ANKRD12: variants seen among roughly 807,000 people sequenced by gnomAD.
ANKRD12 encodes the protein ankyrin repeat domain-containing protein 12.
In ANKRD12, 85 loss-of-function variants were observed where a neutral mutation model predicts 183.4. The observed-to-expected ratio is 0.46, with a 90% confidence interval of 0.39 to 0.56. The LOEUF is 0.56. Among genes scored for constraint, ANKRD12 ranks in the 20% least tolerant of loss-of-function variants. The pLI, the probability that ANKRD12 is intolerant of heterozygous loss-of-function variation, is 0.00. For missense variants in ANKRD12, 2,405 were observed against 2,357.1 expected (o/e 1.02, Z -0.42); for synonymous variants, 914 against 800.2 (o/e 1.14, Z -2.40).
At position 9,256,618 on chromosome 18, in the gene ANKRD12, A is replaced by G; in HGVS notation, c.3351A>G (p.Glu1117=). ...KERLRNRNCL[E]LKIKDKEKTK... ...GGTTGAGAAACCGAAACTGTTTAGA[A>G]CTTAAAATAAAAGATAAAGAAAAAA... The change falls in exon 9 of 13, where the codon GAA becomes GAG. Residue 1117 remains glutamate (E), a synonymous_variant. Coordinates refer to ENST00000262126, the MANE Select transcript of ANKRD12 (RefSeq NM_015208.5). 6.2e-7 allele frequency: 1 copy of G among 1,604,568 alleles called. No homozygotes were observed. The highest frequency in any genetic ancestry group is 8.5e-7 in the Non-Finnish European group (1 of 1,177,744).
At position 9,221,965 on chromosome 18, in the gene ANKRD12, G is replaced by T; in HGVS notation, c.909G>T (p.Glu303Asp). The T allele has an allele frequency of 6.2e-7, 1 of 1,613,894 alleles. No individual in the cohort carries two copies. Among genetic ancestry groups the T allele is most frequent in the Non-Finnish European group, 8.5e-7 (1 of 1,179,882 alleles). ...TEELELLLKREVPLSDDDESY... is the reference protein window; with the variant it reads ...TEELELLLKRDVPLSDDDESY... ...AGTTGGAGTTGCTACTAAAAAGAGA[G>T]GTGCCTTTATCTGATGATGATGAAA... is the stretch of plus-strand genomic sequence containing the variant. The change falls in exon 8 of 13, where the codon GAG becomes GAT. Residue 303 changes from glutamate to aspartate, a missense_variant. Around this residue, in one of 7 missense-constraint regions of ANKRD12, gnomAD observed 1,983 missense variants for 1,725.9 expected, o/e 1.15. Coordinates refer to ENST00000262126, the MANE Select transcript of ANKRD12 (RefSeq NM_015208.5).
intron 1 of ANKRD12, among the ~76,000 whole-genome samples, chr18:9,143,933 T>C (rs1201951589): frequency 1.3e-5 from 2 of 152,222 alleles, no homozygotes; most frequent in East Asian, 3.8e-4. Flanking sequence ...GCTCTTCCTC[T>C]TCCTTCAGGC....
chr18:9,175,906 T>C (rs570575256), intron 1 of ANKRD12, among the ~76,000 whole-genome samples: 1 of 152,258 alleles, frequency 6.6e-6, no homozygotes, highest in Admixed American at 6.5e-5. Context: ...TTTCTCCAAA[T>C]TGTTAGCCTT....
chr18:9,245,206 T>C (rs1225449318), intron 8 of ANKRD12, among the ~76,000 whole-genome samples: 1 of 151,934 alleles, frequency 6.6e-6, no homozygotes, highest in African/African-American at 2.4e-5. Flanking sequence ...TCCCAGCCCT[T>C]TGGGAGGCCA....
chr18:9,142,606 G>A (rs2078357271), intron 1 of ANKRD12, among the ~76,000 whole-genome samples: 1 of 152,198 alleles, frequency 6.6e-6, no homozygotes, highest in African/African-American at 2.4e-5. Flanking sequence ...AATGGGCCAG[G>A]TGCAGTAGGT....
chr18:9,253,594 C>T (rs2038424497), intron 8 of ANKRD12, among the ~76,000 whole-genome samples: 1 of 152,202 alleles, frequency 6.6e-6, no homozygotes, highest in African/African-American at 2.4e-5. Context: ...TTGATGGACA[C>T]AAGATTGATT....
At chr18:9,201,791 A>G (rs1011971486) in intron 3 of ANKRD12, among the ~76,000 whole-genome samples, 7 of 150,220 alleles carry the variant, frequency 4.7e-5, no homozygotes, top group Non-Finnish European at 8.9e-5. Flanking sequence ...TCCTCTTAGC[A>G]TTATTAGTAA....
intron 5 of ANKRD12, among the ~76,000 whole-genome samples, chr18:9,209,601 A>G (rs1308714796): frequency 1.3e-5 from 2 of 152,168 alleles, no homozygotes; most frequent in Admixed American, 6.5e-5. Context: ...CGTATCTAAT[A>G]TCTGTCACTG....
At chr18:9,232,732 G>A (rs2037122339) in intron 8 of ANKRD12, among the ~76,000 whole-genome samples, 1 of 151,818 alleles carries the variant, frequency 6.6e-6, no homozygotes, top group Non-Finnish European at 1.5e-5. Flanking sequence ...TCACCTTTGG[G>A]GATACCAGTA....
At chr18:9,173,379 C>G (rs1368039304) in intron 1 of ANKRD12, among the ~76,000 whole-genome samples, 6 of 151,972 alleles carry the variant, frequency 3.9e-5, no homozygotes, top group East Asian at 1.9e-4. Flanking sequence ...AGTTGCTGAC[C>G]TTTAAATGGG....
In ANKRD12 at chr18:9,221,849, C is replaced by T. The variant is rs372987468; in HGVS notation, c.796-3C>T. Reference sequence around the variant, plus strand: ...TAAGTCTTCCTGCTTTTTATTGTTGCAGATAGTAAAGCTGTTACTTCGTCA... The same window carrying T: ...TAAGTCTTCCTGCTTTTTATTGTTGTAGATAGTAAAGCTGTTACTTCGTCA... On this transcript the variant is annotated splice_region_variant and splice_polypyrimidine_tract_variant and intron_variant, in intron 7 of 12. Transcript: ENST00000262126. 2.2e-4 allele frequency: 356 copies of T among 1,613,068 alleles called. No individual in the cohort carries two copies. Among genetic ancestry groups the T allele is most frequent in the Non-Finnish European group, 2.9e-4 (337 of 1,179,586 alleles).
At position 9,256,641 on chromosome 18, in the gene ANKRD12, AAAC is replaced by A. The variant is rs547937894; in HGVS notation, c.3377_3379del (p.Thr1126del). The A allele has an allele frequency of 7.8e-4, 1,251 of 1,607,498 alleles. 15 individuals are homozygous for A. The Admixed American group carries it at 0.021, about 26-fold the overall frequency. ...GAACTTAAAATAAAAGATAAAGAAA[AAAC>A]AAAGCATACACCAACTGAATCCAAA... On this transcript the variant is annotated inframe_deletion, in exon 9 of 13. Coordinates refer to ENST00000262126, the MANE Select transcript of ANKRD12 (RefSeq NM_015208.5).
rs1488246320 is a variant in ANKRD12, at chr18:9,266,393, G to C, written c.5763+2505G>C. On this transcript the variant is annotated intron_variant, in intron 10 of 12. Transcript: ENST00000262126. ...AAGGTTGGGTTACCCACAAAGGGAAGCCCATCAGATTAACAGCTGATCTCT... is the reference window on the plus strand; with the variant it reads ...AAGGTTGGGTTACCCACAAAGGGAACCCCATCAGATTAACAGCTGATCTCT... Among the ~76,000 whole-genome samples the C allele has an allele frequency of 2.0e-5, 3 of 152,216 alleles. No individual in the cohort carries two copies. The East Asian group carries it at 5.8e-4, about 29-fold the overall frequency.
intron 10 of ANKRD12, among the ~76,000 whole-genome samples, chr18:9,268,488 A>G (rs2145374694): frequency 1.3e-5 from 2 of 152,356 alleles, no homozygotes; most frequent in South Asian, 4.1e-4. Context: ...AATAAACGTA[A>G]TCCAGCATAT....
intron 10 of ANKRD12, among the ~76,000 whole-genome samples, chr18:9,264,113 T>A (rs186299339): frequency 5.8e-4 from 88 of 152,356 alleles, no homozygotes; most frequent in African/African-American, 2.0e-3. Context: ...TATGTAAGTC[T>A]CTAATAACTT....
chr18:9,209,439 G>A (rs1165713245), intron 5 of ANKRD12, among the ~76,000 whole-genome samples: 1 of 152,270 alleles, frequency 6.6e-6, no homozygotes, highest in East Asian at 1.9e-4. Flanking sequence ...GCAATTTTAT[G>A]TAAGACTCTG....
chr18:9,136,809 A>C lies in ANKRD12; in HGVS notation c.-208A>C, dbSNP rs1396628522. 2 of 152,024 alleles carry C rather than the reference A, an allele frequency of 1.3e-5. No individual in the cohort carries two copies. Among genetic ancestry groups the C allele is most frequent in the African/African-American group, 4.8e-5 (2 of 41,318 alleles). The allele number at this position is 152,024 out of a possible 1,614,324, so 9.4% of individuals were successfully genotyped here. A position where few individuals can be genotyped will look rare whatever the true frequency, so the allele number is the denominator to read the frequency against. The stretch of plus-strand genomic sequence containing the variant: ...GGGCGACGCTGTCCTGGGAGCGAGG[A>C]GGCTGTGGTGAGAGACGGACCGAGA... On this transcript the variant is annotated 5_prime_UTR_variant, in exon 1 of 13. Transcript: ENST00000262126.
chr18:9,144,656 G>C (rs1243373910), intron 1 of ANKRD12, among the ~76,000 whole-genome samples: 1 of 152,090 alleles, frequency 6.6e-6, no homozygotes, highest in Non-Finnish European at 1.5e-5. Context: ...ACATATACTT[G>C]CAAAAATCTT....
At chr18:9,268,587 ACTCT>A (rs900526346) in intron 10 of ANKRD12, among the ~76,000 whole-genome samples, 5 of 152,104 alleles carry the variant, frequency 3.3e-5, no homozygotes. Context: ...CATGCTAAAA[ACTCT>A]CAATAAATTA....
Sources: gnomAD v4.1 joint callset for allele counts (sites outside exome capture counted in the v4.1 genomes callset) on GRCh38, gnomAD v4.1.1 for gene constraint, gnomAD v4.1.1 regional missense constraint, MANE v1.5 for transcripts, NCBI Gene and HGNC (gene_info 2026-07-23, HGNC 2026-07-21) for gene names.